ATRNL1: variants seen among roughly 807,000 people sequenced by gnomAD.
ATRNL1 encodes attractin like 1, also known as attractin-like protein 1.
ATRNL1 carries 95 observed loss-of-function variants against 182.7 expected under a neutral mutation model. The ratio of observed to expected loss-of-function variants is 0.52; its 90% confidence interval spans 0.44 to 0.62. The LOEUF (loss-of-function observed/expected upper bound fraction) is 0.62. Among genes scored for constraint, ATRNL1 ranks in the 20% least tolerant of loss-of-function variants. The pLI, the probability that ATRNL1 is intolerant of heterozygous loss-of-function variation, is 0.00. For synonymous variants in ATRNL1, 576 were observed against 568.3 expected (o/e 1.01, Z -0.19); for missense variants, 1,471 against 1,679.5 (o/e 0.88, Z 2.17).
At chr10:115,761,136 A>G (rs1948725447) in intron 27 of ATRNL1, among the ~76,000 whole-genome samples, 1 of 152,240 alleles carries the variant, frequency 6.6e-6, no homozygotes. Flanking sequence ...TCATGTAATC[A>G]AAAGAAAGCT....
intron 21 of ATRNL1, among the ~76,000 whole-genome samples, chr10:115,453,892 A>G (rs992400869): frequency 6.6e-6 from 1 of 151,978 alleles, no homozygotes; most frequent in Admixed American, 6.6e-5. Flanking sequence ...GCACATGTAT[A>G]CATATGTAAC....
chr10:115,746,156 C>A (rs565424037), intron 27 of ATRNL1, among the ~76,000 whole-genome samples: 1 of 152,058 alleles, frequency 6.6e-6, no homozygotes, highest in Non-Finnish European at 1.5e-5. Flanking sequence ...AATCTTGTTT[C>A]ATCTTTATGC....
rs976709638 is a variant in ATRNL1, at chr10:115,245,272, G to A, written c.1687+3547G>A. ...CCACCACTTTGGGAGCCTGAGGCAG[G>A]CTGATCACCTGAGGTCGAGAGTTTG... On this transcript the variant is annotated intron_variant, in intron 10 of 28. Coordinates refer to ENST00000355044, the MANE Select transcript of ATRNL1 (RefSeq NM_207303.4). 2.6e-5 allele frequency among the ~76,000 whole-genome samples: 4 copies of A among 152,100 alleles called. No homozygotes were observed. In the East Asian group the frequency reaches 7.7e-4, roughly 29 times the overall value.
chr10:115,210,364 A>G (rs748260932), intron 8 of ATRNL1, among the ~76,000 whole-genome samples: 9 of 151,820 alleles, frequency 5.9e-5, no homozygotes, highest in South Asian at 2.1e-4. Context: ...GTGTGTGCCT[A>G]TTTCATTCTG....
chr10:115,817,433 A>G (rs1555088959), intron 27 of ATRNL1, among the ~76,000 whole-genome samples: 1 of 152,128 alleles, frequency 6.6e-6, no homozygotes, highest in Non-Finnish European at 1.5e-5. Context: ...TTTATTAAGC[A>G]CTAAGTATAA....
chr10:115,178,747 C>A (rs1847632454), intron 8 of ATRNL1, among the ~76,000 whole-genome samples: 1 of 152,126 alleles, frequency 6.6e-6, no homozygotes, highest in Non-Finnish European at 1.5e-5. Context: ...ACACAGCATT[C>A]TTCCCCTCTG....
At chr10:115,847,313 T>G (rs1005589534) in intron 27 of ATRNL1, among the ~76,000 whole-genome samples, 3 of 152,098 alleles carry the variant, frequency 2.0e-5, no homozygotes, top group African/African-American at 7.2e-5. Flanking sequence ...GGACTGTAGT[T>G]AATACTGTTG....
chr10:115,368,642 A>G (rs551892468), intron 19 of ATRNL1, among the ~76,000 whole-genome samples: 11 of 151,592 alleles, frequency 7.3e-5, no homozygotes, highest in African/African-American at 2.7e-4. Flanking sequence ...CCATCTCCTC[A>G]TTTCCCATCC....
At chr10:115,519,381 C>T (rs41310290) in intron 25 of ATRNL1, 57 bp downstream of exon 25, 105,753 of 1,371,232 alleles carry the variant, frequency 0.077, 4,711 homozygotes, top group Middle Eastern at 0.11. Context: ...TGATATATGT[C>T]CTGTCAATCT....
chr10:115,928,012 T>C (rs781847813), intron 28 of ATRNL1, among the ~76,000 whole-genome samples: 1 of 152,020 alleles, frequency 6.6e-6, no homozygotes, highest in Non-Finnish European at 1.5e-5. Context: ...TTTGGCTCTA[T>C]GGACTGTTTG....
chr10:115,467,796 T>C (rs1436835425), intron 23 of ATRNL1, among the ~76,000 whole-genome samples: 1 of 150,692 alleles, frequency 6.6e-6, no homozygotes, highest in East Asian at 1.9e-4. Context: ...ACTTAAAAAG[T>C]ATATCTGAGA....
chr10:115,453,466 A>C (rs1554968066), intron 21 of ATRNL1, among the ~76,000 whole-genome samples: 1 of 151,850 alleles, frequency 6.6e-6, no homozygotes. Context: ...ATTTTCTCTC[A>C]TTTTGTACCA....
rs782818150 is a variant in ATRNL1 at position 115,120,282 on chromosome 10, C to G, written c.377+14C>G. 3.8e-6 allele frequency: 5 copies of G among 1,319,682 alleles called. No individual in the cohort carries two copies. The highest frequency in any genetic ancestry group is 5.3e-6 in the Non-Finnish European group (5 of 935,608). The allele number at this position is 1,319,682 out of a possible 1,614,324, so 81.7% of individuals were successfully genotyped here. A position where few individuals can be genotyped will look rare whatever the true frequency, so the allele number is the denominator to read the frequency against. On this transcript the variant is annotated intron_variant, in intron 2 of 28. Transcript: ENST00000355044. ...CATTGAAGGCTAGTAAGTATACAGT[C>G]TGAGTCAAATTAATGTATTTTATTC...
intron 26 of ATRNL1, among the ~76,000 whole-genome samples, chr10:115,651,961 T>C (rs1402741656): frequency 6.6e-6 from 1 of 152,208 alleles, no homozygotes; most frequent in East Asian, 1.9e-4. Context: ...ATTATAATAA[T>C]GAAAACAACT....
intron 26 of ATRNL1, among the ~76,000 whole-genome samples, chr10:115,618,512 AT>A (rs374928571): frequency 0.031 from 4,653 of 148,590 alleles, 104 homozygotes; most frequent in East Asian, 0.12. Flanking sequence ...CCTTTTTACA[AT>A]TTTTTTTTTC....
chr10:115,714,813 G>T (rs922018466), intron 26 of ATRNL1, among the ~76,000 whole-genome samples: 1 of 151,588 alleles, frequency 6.6e-6, no homozygotes, highest in Non-Finnish European at 1.5e-5. Flanking sequence ...TTCATGGAAA[G>T]GAAATATATT....
chr10:115,506,514 AG>A (rs555413922), intron 24 of ATRNL1, among the ~76,000 whole-genome samples: 16 of 151,994 alleles, frequency 1.1e-4, no homozygotes, highest in Non-Finnish European at 2.1e-4. Flanking sequence ...CCAGCCTAGA[AG>A]CTGGAAAAAA....
chr10:115,837,349 C>T (rs1188461247), intron 27 of ATRNL1, among the ~76,000 whole-genome samples: 3 of 151,982 alleles, frequency 2.0e-5, no homozygotes, highest in South Asian at 2.1e-4. Flanking sequence ...AAGCATCCTC[C>T]GTCTACTAAC....
intron 26 of ATRNL1, among the ~76,000 whole-genome samples, chr10:115,575,517 C>T (rs1489140933): frequency 1.3e-5 from 2 of 152,070 alleles, no homozygotes; most frequent in Non-Finnish European, 2.9e-5. Flanking sequence ...ACTTTCATTT[C>T]ATTGTTCATC....
Sources: gnomAD v4.1 joint callset for allele counts (sites outside exome capture counted in the v4.1 genomes callset) on GRCh38, gnomAD v4.1.1 for gene constraint, MANE v1.5 for transcripts, NCBI Gene and HGNC (gene_info 2026-07-23, HGNC 2026-07-21) for gene names.